The following MALRD1 variants were observed in gnomAD, a reference collection of about 807,000 sequenced individuals.
MALRD1 encodes the protein MAM and LDL-receptor class A domain-containing protein 1.
A neutral mutation model predicts 242.1 loss-of-function variants in MALRD1; 247 were observed. That is an observed-to-expected ratio of 1.02 (90% CI 0.92 to 1.13). The LOEUF (loss-of-function observed/expected upper bound fraction) is 1.13. MALRD1 is among the 50% of genes most tolerant of loss of function. MALRD1 has a pLI of 0.00. For synonymous variants in MALRD1, 995 were observed against 866.6 expected (o/e 1.15, Z -2.60); for missense variants, 2,989 against 2,533.1 (o/e 1.18, Z -3.86).
intron 28 of MALRD1, among the ~76,000 whole-genome samples, chr10:19,409,882 T>A (rs1337261063): frequency 2.6e-5 from 4 of 152,210 alleles, no homozygotes; most frequent in Admixed American, 6.5e-5. Context: ...TTCTTTTTTA[T>A]TTTTAATTTA....
At chr10:19,191,973 G>A (rs1168660982) in intron 14 of MALRD1, among the ~76,000 whole-genome samples, 1 of 152,034 alleles carries the variant, frequency 6.6e-6, no homozygotes, top group Non-Finnish European at 1.5e-5. Flanking sequence ...CTGCACTCCA[G>A]CCTGGGCAAT....
chr10:19,692,635 T>A, intron 38 of MALRD1, 81 bp downstream of exon 38: 2 of 1,108,386 alleles, frequency 1.8e-6, no homozygotes, highest in Non-Finnish European at 2.6e-6. Context: ...TATTTTTTTC[T>A]TTCACTCCAT....
Position 19,430,825 on chromosome 10 carries a change from G to C in MALRD1, c.4846-19482G>C, listed in dbSNP as rs578246105. Among the ~76,000 whole-genome samples the C allele has an allele frequency of 2.6e-5, 4 of 152,178 alleles. No individual in the cohort carries two copies. The East Asian group carries it at 7.7e-4, about 29-fold the overall frequency. The stretch of plus-strand genomic sequence containing the variant: ...TGAGCAAGTTAAATATGCCTTGTTC[G>C]AATTTGTGTAAAACAAGCATAAATT... On this transcript the variant is annotated intron_variant, in intron 28 of 39. Coordinates refer to ENST00000454679, the MANE Select transcript of MALRD1 (RefSeq NM_001142308.3).
At chr10:19,261,924 C>G (rs913890171) in intron 19 of MALRD1, among the ~76,000 whole-genome samples, 2 of 151,922 alleles carry the variant, frequency 1.3e-5, no homozygotes, top group African/African-American at 2.4e-5. Context: ...TTTCTCGGAC[C>G]TGCTGTTTTT....
chr10:19,412,343 T>C (rs1170280908), intron 28 of MALRD1, among the ~76,000 whole-genome samples: 1 of 152,158 alleles, frequency 6.6e-6, no homozygotes, highest in African/African-American at 2.4e-5. Context: ...ATGACAGCAA[T>C]GAGCTTTTAA....
At chr10:19,691,618 T>A (rs1236795323) in intron 36 of MALRD1, among the ~76,000 whole-genome samples, 2 of 152,090 alleles carry the variant, frequency 1.3e-5, no homozygotes, top group African/African-American at 4.8e-5. Context: ...TGCTTAGCAA[T>A]AAACCTTATC....
At chr10:19,396,141 C>CTTTTTTTTTTTT (rs71387076) in intron 28 of MALRD1, among the ~76,000 whole-genome samples, 2 of 103,938 alleles carry the variant, frequency 1.9e-5, no homozygotes, top group Non-Finnish European at 4.0e-5. Flanking sequence ...TTTTTTTTTT[C>CTTTTTTTTTTTT]TTTTTTTTTT....
intron 18 of MALRD1, among the ~76,000 whole-genome samples, chr10:19,242,718 C>A (rs1485611617): frequency 4.6e-5 from 7 of 151,696 alleles, no homozygotes; most frequent in Non-Finnish European, 1.0e-4. Flanking sequence ...TATTTAAAGC[C>A]TTTTAAAATA....
intron 36 of MALRD1, among the ~76,000 whole-genome samples, chr10:19,673,636 T>A (rs1390709702): frequency 1.3e-5 from 2 of 152,154 alleles, no homozygotes; most frequent in African/African-American, 2.4e-5. Flanking sequence ...GCATGAAGAT[T>A]ACCTTTTCCT....
chr10:19,295,948 T>A (rs933235693), intron 21 of MALRD1, among the ~76,000 whole-genome samples: 1 of 152,152 alleles, frequency 6.6e-6, no homozygotes, highest in Non-Finnish European at 1.5e-5. Context: ...AACCTCACTT[T>A]GAGGACCACT....
At chr10:19,339,937 A>G (rs1843772134) in intron 24 of MALRD1, among the ~76,000 whole-genome samples, 1 of 152,088 alleles carries the variant, frequency 6.6e-6, no homozygotes, top group African/African-American at 2.4e-5. Flanking sequence ...GAAGCAAGGA[A>G]TGTCTTCCAT....
At chr10:19,229,459 A>G (rs1340504234) in intron 18 of MALRD1, among the ~76,000 whole-genome samples, 1 of 152,150 alleles carries the variant, frequency 6.6e-6, no homozygotes, top group Non-Finnish European at 1.5e-5. Flanking sequence ...ATGGCTCTGC[A>G]GCCTCTCTGG....
intron 28 of MALRD1, among the ~76,000 whole-genome samples, chr10:19,412,790 C>A (rs948718604): frequency 2.0e-5 from 3 of 152,112 alleles, no homozygotes; most frequent in Non-Finnish European, 4.4e-5. Context: ...TGTGTCTTGC[C>A]ATCTTTTTCC....
At chr10:19,117,237 T>A (rs1193895662) in intron 5 of MALRD1, among the ~76,000 whole-genome samples, 2 of 152,140 alleles carry the variant, frequency 1.3e-5, no homozygotes, top group Admixed American at 6.6e-5. Flanking sequence ...CTGTCCAGAT[T>A]TATTAATTGA....
intron 34 of MALRD1, among the ~76,000 whole-genome samples, chr10:19,606,870 C>T (rs1276900141): frequency 6.6e-6 from 1 of 152,094 alleles, no homozygotes; most frequent in Non-Finnish European, 1.5e-5. Context: ...CCAACCATAG[C>T]CTCTTCTTTC....
At chr10:19,075,911 A>G (rs1835302003) in intron 2 of MALRD1, among the ~76,000 whole-genome samples, 1 of 152,030 alleles carries the variant, frequency 6.6e-6, no homozygotes, top group African/African-American at 2.4e-5. Flanking sequence ...TATTTTCTTG[A>G]TTGTCTATTC....
At chr10:19,277,516 C>T (rs1193088759) in intron 19 of MALRD1, among the ~76,000 whole-genome samples, 1 of 151,898 alleles carries the variant, frequency 6.6e-6, no homozygotes, top group South Asian at 2.1e-4. Context: ...ATGCCTGGTC[C>T]CTCACCTCCT....
chr10:19,251,012 G>A (rs182255381), intron 18 of MALRD1, among the ~76,000 whole-genome samples: 346 of 151,944 alleles, frequency 2.3e-3, no homozygotes, highest in Middle Eastern at 0.014. Flanking sequence ...GATGGGAAAA[G>A]GCTTTGTGGG....
At chr10:19,732,916 C>T (rs1050324317) in intron 39 of MALRD1, among the ~76,000 whole-genome samples, 9 of 152,054 alleles carry the variant, frequency 5.9e-5, no homozygotes, top group Non-Finnish European at 5.9e-5. Flanking sequence ...TTTTCTATTT[C>T]GATAAAAGAA....
Sources: gnomAD v4.1 joint callset for allele counts (sites outside exome capture counted in the v4.1 genomes callset) on GRCh38, gnomAD v4.1.1 for gene constraint, MANE v1.5 for transcripts, NCBI Gene and HGNC (gene_info 2026-07-23, HGNC 2026-07-21) for gene names.